BTBD9: variants seen among roughly 807,000 people sequenced by gnomAD.
BTBD9 encodes BTB/POZ domain-containing protein 9.
A neutral mutation model predicts 64.3 loss-of-function variants in BTBD9; 49 were observed. The ratio of observed to expected loss-of-function variants is 0.76; its 90% CI spans 0.61 to 0.97. The LOEUF (loss-of-function observed/expected upper bound fraction) is 0.97, where lower values mean the gene tolerates loss of function less well. Among genes scored for constraint, BTBD9 ranks in the 50% least tolerant of loss-of-function variants. The pLI, the probability that BTBD9 is intolerant of heterozygous loss-of-function variation, is 0.00. For missense variants in BTBD9, 598 were observed against 762.1 expected (o/e 0.78, Z 2.53); for synonymous variants, 260 against 274.7 (o/e 0.95, Z 0.53).
intron 6 of BTBD9, among the ~76,000 whole-genome samples, chr6:38,450,422 T>C (rs1431236230): frequency 6.6e-6 from 1 of 152,222 alleles, no homozygotes; most frequent in East Asian, 1.9e-4. Context: ...TTATGTGTTC[T>C]CACTACAAAA....
chr6:38,244,900 A>G (rs1015125686), intron 9 of BTBD9, among the ~76,000 whole-genome samples: 10 of 152,342 alleles, frequency 6.6e-5, no homozygotes, highest in African/African-American at 2.2e-4. Flanking sequence ...CTACATCACC[A>G]TGGGCAAATC....
intron 8 of BTBD9, among the ~76,000 whole-genome samples, chr6:38,276,812 CT>C (rs1317801050): frequency 6.6e-6 from 1 of 152,242 alleles, no homozygotes; most frequent in African/African-American, 2.4e-5. Context: ...ACAGACTTGA[CT>C]TTTTCAACTC....
At chr6:38,276,682 T>C (rs1345125174) in intron 8 of BTBD9, among the ~76,000 whole-genome samples, 1 of 152,122 alleles carries the variant, frequency 6.6e-6, no homozygotes, top group Non-Finnish European at 1.5e-5. Flanking sequence ...AAACCAACCA[T>C]GTTAACCAAG....
At chr6:38,225,611 A>C (rs1763367723) in intron 9 of BTBD9, among the ~76,000 whole-genome samples, 1 of 152,238 alleles carries the variant, frequency 6.6e-6, no homozygotes, top group South Asian at 2.1e-4. Flanking sequence ...TTAATGCCTA[A>C]TGGAAAAACT....
intron 4 of BTBD9, among the ~76,000 whole-genome samples, chr6:38,581,435 A>G (rs901588930): frequency 6.6e-6 from 1 of 152,234 alleles, no homozygotes; most frequent in East Asian, 1.9e-4. Flanking sequence ...GAGAATTTTT[A>G]AAAATGAAAA....
At chr6:38,625,541 G>A (rs1017707887) in intron 1 of BTBD9, among the ~76,000 whole-genome samples, 1 of 152,184 alleles carries the variant, frequency 6.6e-6, no homozygotes, top group South Asian at 2.1e-4. Context: ...TATTTGGTCT[G>A]GACAACCTGA....
chr6:38,410,290 T>G (rs1767361940), intron 6 of BTBD9, among the ~76,000 whole-genome samples: 1 of 151,616 alleles, frequency 6.6e-6, no homozygotes, highest in African/African-American at 2.4e-5. Flanking sequence ...CCTGGGCAAC[T>G]GTGTGAGACC....
chr6:38,250,794 C>T (rs1411225865), intron 9 of BTBD9, among the ~76,000 whole-genome samples: 3 of 152,062 alleles, frequency 2.0e-5, no homozygotes, highest in East Asian at 1.9e-4. Context: ...AAGTTTAGGC[C>T]GAGCGAGGTG....
chr6:38,436,727 T>C (rs138124392), intron 6 of BTBD9, among the ~76,000 whole-genome samples: 3 of 152,308 alleles, frequency 2.0e-5, no homozygotes, highest in African/African-American at 7.2e-5. Context: ...TCAAGGGGTT[T>C]TTCATAAAAA....
At chr6:38,569,440 C>T (rs1775660173) in intron 6 of BTBD9, among the ~76,000 whole-genome samples, 1 of 152,070 alleles carries the variant, frequency 6.6e-6, no homozygotes, top group Non-Finnish European at 1.5e-5. Flanking sequence ...TAATCCTGGG[C>T]CTAACTGCTT....
In BTBD9 at chr6:38,177,159, G is replaced by A. The variant is rs146952854; in HGVS notation, c.1642-1977C>T. Among the ~76,000 whole-genome samples, 377 of 152,230 alleles carry A rather than the reference G, an allele frequency of 2.5e-3. 3 individuals are homozygous for A. Among genetic ancestry groups the A allele is most frequent in the Middle Eastern group, 3.4e-3 (1 of 294 alleles). On this transcript the variant is annotated intron_variant, in intron 10 of 10. Coordinates refer to ENST00000481247, the MANE Select transcript of BTBD9 (RefSeq NM_001099272.2). Reference sequence around the variant, plus strand: ...TGTGTAATCCCTGCTCTCCCTGCTCGGTCAATATCTCCGGAGGCCGCTCCC... The same window carrying A: ...TGTGTAATCCCTGCTCTCCCTGCTCAGTCAATATCTCCGGAGGCCGCTCCC...
At chr6:38,610,759 T>C (rs1230768957) in intron 1 of BTBD9, among the ~76,000 whole-genome samples, 2 of 152,176 alleles carry the variant, frequency 1.3e-5, no homozygotes, top group African/African-American at 4.8e-5. Flanking sequence ...AATGTTCTCA[T>C]ATACTGTTGT....
intron 6 of BTBD9, among the ~76,000 whole-genome samples, chr6:38,378,805 C>T (rs1765800359): frequency 1.4e-5 from 2 of 146,906 alleles, no homozygotes; most frequent in Non-Finnish European, 3.0e-5. Flanking sequence ...ACCCAGGAGG[C>T]GGAGGTTGCA....
intron 6 of BTBD9, among the ~76,000 whole-genome samples, chr6:38,492,638 A>C (rs756710325): frequency 1.2e-4 from 19 of 152,318 alleles, no homozygotes; most frequent in Non-Finnish European, 2.1e-4. Flanking sequence ...ATTTGTTTTA[A>C]TCAACTAAGA....
chr6:38,227,480 C>T (rs1245329682), intron 9 of BTBD9, among the ~76,000 whole-genome samples: 2 of 152,206 alleles, frequency 1.3e-5, no homozygotes, highest in Non-Finnish European at 2.9e-5. Flanking sequence ...GAGCCCCAGA[C>T]AAACATGTCA....
chr6:38,270,416 G>A (rs1332812673), intron 8 of BTBD9, among the ~76,000 whole-genome samples: 1 of 151,114 alleles, frequency 6.6e-6, no homozygotes, highest in African/African-American at 2.4e-5. Flanking sequence ...ATTTTCACAA[G>A]CCAGGAAAGA....
At chr6:38,626,663 T>C (rs1778178394) in intron 1 of BTBD9, among the ~76,000 whole-genome samples, 1 of 152,232 alleles carries the variant, frequency 6.6e-6, no homozygotes, top group Non-Finnish European at 1.5e-5. Flanking sequence ...CTTACATGAA[T>C]TTAACTATTT....
intron 6 of BTBD9, among the ~76,000 whole-genome samples, chr6:38,460,207 C>T (rs182394069): frequency 6.6e-6 from 1 of 152,266 alleles, no homozygotes; most frequent in Non-Finnish European, 1.5e-5. Flanking sequence ...ATGTAAACAT[C>T]ACATTTCTGT....
chr6:38,210,732 T>C (rs1369321174), intron 9 of BTBD9, among the ~76,000 whole-genome samples: 1 of 152,246 alleles, frequency 6.6e-6, no homozygotes, highest in Non-Finnish European at 1.5e-5. Flanking sequence ...CAGTTCTAAA[T>C]GTCTAGTAAG....
Sources: allele counts gnomAD v4.1 joint callset (sites outside exome capture counted in the v4.1 genomes callset), GRCh38; gene constraint gnomAD v4.1.1; transcripts MANE v1.5; gene names NCBI Gene and HGNC (gene_info 2026-07-23, HGNC 2026-07-21).